Variants in NSD1 observed in about 807,000 individuals in gnomAD.
The protein encoded by NSD1 is nuclear receptor binding SET domain protein 1.
NSD1 carries 26 observed loss-of-function variants against 242.7 expected under a neutral mutation model. The ratio of observed to expected loss-of-function variants is 0.11; its 90% confidence interval spans 0.08 to 0.15. The LOEUF (loss-of-function observed/expected upper bound fraction) is 0.15. Ranked by LOEUF, NSD1 falls within the 10% of genes least tolerant of loss-of-function variation. The pLI, the probability that NSD1 is intolerant of heterozygous loss-of-function variation, is 1.00. For synonymous variants in NSD1, 1,106 were observed against 1,178.1 expected, an observed-to-expected ratio of 0.94 and a Z score of 1.25; for missense variants, 2,495 against 3,272.8, an observed-to-expected ratio of 0.76 and a Z score of 5.80.
chr5:177,171,736 T>C (rs1285847457), intron 2 of NSD1, among the ~76,000 whole-genome samples: 2 of 152,222 alleles, frequency 1.3e-5, no homozygotes. Context: ...CTGGTGTATT[T>C]CACTTAGCAT....
At chr5:177,230,160 C>T (rs185264686) in intron 5 of NSD1, among the ~76,000 whole-genome samples, 45 of 152,190 alleles carry the variant, frequency 3.0e-4, no homozygotes, top group African/African-American at 1.0e-3. Flanking sequence ...CTCACTCGGT[C>T]GCCCTGGCTG....
chr5:177,248,172 CT>C lies in NSD1; in HGVS notation c.4498-6del, dbSNP rs1562255271. ...ATACAGATGTGGGACATTATTTTTT[CT>C]TTGCAAGGGAGAACTAATGCCTCAC... On this transcript the variant is annotated splice_region_variant and splice_polypyrimidine_tract_variant and intron_variant, in intron 10 of 22. Transcript: ENST00000439151. 6.2e-7 allele frequency: 1 copy of C among 1,613,842 alleles called. No individual in the cohort carries two copies. Among genetic ancestry groups the C allele is most frequent in the East Asian group, 2.2e-5 (1 of 44,886 alleles).
rs1025513367 is a variant in NSD1 at position 177,199,821 on chromosome 5, T to C, written c.1064-4299T>C. ...CATGTTGGTCAGGATGTTCTCCATC[T>C]CCTGACCTCGTGATCTGCCAACCTC... On this transcript the variant is annotated intron_variant, in intron 3 of 22. Coordinates refer to ENST00000439151, the MANE Select transcript of NSD1 (RefSeq NM_022455.5). Among the ~76,000 whole-genome samples, 12 of 151,888 alleles carry C rather than the reference T, an allele frequency of 7.9e-5. No individual in the cohort carries two copies. In the South Asian group the frequency reaches 2.1e-3, roughly 26 times the overall value.
intron 2 of NSD1, among the ~76,000 whole-genome samples, chr5:177,182,826 CAG>C (rs1760804222): frequency 6.6e-6 from 1 of 152,072 alleles, no homozygotes; most frequent in South Asian, 2.1e-4. Flanking sequence ...TTAGTAGAGA[CAG>C]GGTTTCACCA....
chr5:177,234,168 C>T (rs1343942973), intron 5 of NSD1, among the ~76,000 whole-genome samples: 2 of 152,200 alleles, frequency 1.3e-5, no homozygotes, highest in East Asian at 3.8e-4. Flanking sequence ...GTATACCTTC[C>T]ATTTGTCAGT....
rs1300351459 is a variant in NSD1 at position 177,299,650 on chromosome 5, G to GT, written c.*4194dup. The GT allele has an allele frequency of 3.9e-5, 9 of 233,214 alleles. No homozygotes were observed. Among genetic ancestry groups the GT allele is most frequent in the African/African-American group, 2.0e-4 (9 of 45,352 alleles). The allele number at this position is 233,214 out of a possible 1,614,324, so 14.4% of individuals were successfully genotyped here. ...CACAACCTCGGAAGAAGTGTTTCGA[G>GT]TTTAACATGCGCTGTTTCTGCTTAT... On this transcript the variant is annotated 3_prime_UTR_variant, in exon 23 of 23. Transcript: ENST00000439151.
chr5:177,255,590 G>T (rs888157997), intron 12 of NSD1, among the ~76,000 whole-genome samples: 4 of 151,744 alleles, frequency 2.6e-5, no homozygotes, highest in Admixed American at 6.6e-5. Context: ...TTGTTTTTTT[G>T]TTTTGTTTTT....
intron 12 of NSD1, among the ~76,000 whole-genome samples, chr5:177,255,400 C>T (rs1756350214): frequency 6.6e-6 from 1 of 151,596 alleles, no homozygotes; most frequent in East Asian, 1.9e-4. Flanking sequence ...TATTTATTTG[C>T]TGGATGTTCT....
In NSD1 at chr5:177,300,041, A is replaced by C. The variant is rs368281627; in HGVS notation, c.*4582A>C. 1.1e-5 allele frequency: 2 copies of C among 184,574 alleles called. No homozygotes were observed. The highest frequency in any genetic ancestry group is 2.0e-5 in the Non-Finnish European group (2 of 98,430). The allele number at this position is 184,574 out of a possible 1,614,324, so 11.4% of individuals were successfully genotyped here. ...TCGGGGGGATCAGCCAAGGTCCATC[A>C]TTGCTTTTTTGCCGCGCCCCCCCCC... On this transcript the variant is annotated 3_prime_UTR_variant, in exon 23 of 23. Transcript: ENST00000439151.
rs1296046965 is a variant in NSD1, at chr5:177,235,828, G to A, written c.3804G>A (p.Arg1268=). 1 of 1,613,998 alleles carries A rather than the reference G, an allele frequency of 6.2e-7. No homozygotes were observed. The highest frequency in any genetic ancestry group is 8.5e-7 in the Non-Finnish European group (1 of 1,179,930). Residue 1268 remains arginine (R), a synonymous_variant, in exon 6 of 23, where the codon CGG becomes CGA. Coordinates refer to ENST00000439151, the MANE Select transcript of NSD1 (RefSeq NM_022455.5). ...TTGTTTATCATCTTTTAGCTGTGCGGTCAGAGAAGAAACGCCTTAGGAAGC... is the reference window on the plus strand; with the variant it reads ...TTGTTTATCATCTTTTAGCTGTGCGATCAGAGAAGAAACGCCTTAGGAAGC... The part of the protein sequence containing the change: ...PQAELPEPAV[R]SEKKRLRKPS...
chr5:177,235,643 C>G (rs891759552), intron 5 of NSD1, among the ~76,000 whole-genome samples, 178 bp from the exon 6 acceptor site: 5 of 152,170 alleles, frequency 3.3e-5, no homozygotes, highest in African/African-American at 1.2e-4. Context: ...CTCCCCCCAG[C>G]TCCTTTTGCA....
chr5:177,185,362 C>A (rs908433829), intron 2 of NSD1, among the ~76,000 whole-genome samples: 3 of 151,676 alleles, frequency 2.0e-5, no homozygotes, highest in Non-Finnish European at 2.9e-5. Flanking sequence ...ACTTGGGAGG[C>A]GGAGGCTGGT....
intron 2 of NSD1, among the ~76,000 whole-genome samples, chr5:177,151,951 C>T (rs1581138893): frequency 6.6e-6 from 1 of 152,078 alleles, no homozygotes; most frequent in African/African-American, 2.4e-5. Flanking sequence ...AGCTCCGCCT[C>T]CCGGGTTCAC....
intron 21 of NSD1, 80 bp from the exon 22 acceptor site, chr5:177,291,874 C>T (rs2127275822): frequency 7.8e-7 from 1 of 1,287,012 alleles, no homozygotes; most frequent in Non-Finnish European, 1.1e-6. Context: ...GAGAATGAGG[C>T]TCAGAGAGGG....
intron 2 of NSD1, among the ~76,000 whole-genome samples, chr5:177,156,340 C>G (rs1483729574): frequency 6.6e-6 from 1 of 151,704 alleles, no homozygotes; most frequent in Non-Finnish European, 1.5e-5. Context: ...ACCACTATGC[C>G]CAGCTAATTT....
intron 13 of NSD1, among the ~76,000 whole-genome samples, chr5:177,257,886 G>A (rs1011979644): frequency 2.1e-5 from 3 of 142,854 alleles, no homozygotes; most frequent in African/African-American, 5.2e-5. Flanking sequence ...CAGTCTCCTC[G>A]ATCTCCTGAC....
intron 5 of NSD1, among the ~76,000 whole-genome samples, chr5:177,226,138 C>T (rs891681267): frequency 2.6e-5 from 4 of 152,122 alleles, no homozygotes; most frequent in Admixed American, 1.3e-4. Flanking sequence ...CCTTTGCCTC[C>T]GGGGCTCAAG....
chr5:177,133,164 G>A (rs1755987090), upstream of NSD1: 1 of 152,480 alleles, frequency 6.6e-6, no homozygotes. The surrounding 1 kb of genome is among the most constrained non-coding windows in gnomAD (Gnocchi z 6.2). Flanking sequence ...GGTGAGCCCT[G>A]CGGCAGGAGG....
chr5:177,190,980 TC>T (rs553311010), intron 2 of NSD1, among the ~76,000 whole-genome samples: 2,380 of 125,542 alleles, frequency 0.019, 20 homozygotes, highest in African/African-American at 0.023. Flanking sequence ...TTTTTTTTTT[TC>T]TTTTTTTTTT....
Sources: allele counts gnomAD v4.1 joint callset (sites outside exome capture counted in the v4.1 genomes callset), GRCh38; gene constraint gnomAD v4.1.1; non-coding constraint Gnocchi (gnomAD v3.1); transcripts MANE v1.5; gene names NCBI Gene and HGNC (gene_info 2026-07-23, HGNC 2026-07-21).